Variants in LSAMP observed in about 807,000 individuals in gnomAD.
LSAMP encodes the protein limbic system-associated membrane protein.
LSAMP carries 7 observed loss-of-function variants against 38.6 expected under a neutral mutation model. The observed-to-expected ratio is 0.18, with a 90% confidence interval of 0.10 to 0.34. The LOEUF is 0.34. Among genes scored for constraint, LSAMP ranks in the 10% least tolerant of loss-of-function variants. The pLI is 1.00. For synonymous variants in LSAMP, 154 were observed against 166.8 expected, an observed-to-expected ratio of 0.92 and a Z score of 0.59; for missense variants, 313 against 420.0, an observed-to-expected ratio of 0.75 and a Z score of 2.23.
chr3:116,121,649 G>A (rs552087199), intron 1 of LSAMP, among the ~76,000 whole-genome samples: 1 of 152,170 alleles, frequency 6.6e-6, no homozygotes, highest in South Asian at 2.1e-4. Flanking sequence ...TATGAGATAG[G>A]TACTACTATT....
At chr3:116,024,298 T>A (rs1479918136) in intron 2 of LSAMP, among the ~76,000 whole-genome samples, 1 of 152,206 alleles carries the variant, frequency 6.6e-6, no homozygotes, top group Admixed American at 6.5e-5. Flanking sequence ...TTGAAAAAAA[T>A]TCACTTAGTT....
At chr3:116,208,774 C>T (rs570525475) in intron 1 of LSAMP, among the ~76,000 whole-genome samples, 2 of 152,312 alleles carry the variant, frequency 1.3e-5, no homozygotes, top group African/African-American at 2.4e-5. Context: ...TCTCCAGCTG[C>T]GTGCTGGGAG....
chr3:116,071,685 A>G (rs1707609489), intron 2 of LSAMP, among the ~76,000 whole-genome samples: 1 of 152,106 alleles, frequency 6.6e-6, no homozygotes, highest in Non-Finnish European at 1.5e-5. Context: ...TGCTGCACAG[A>G]TCAACCCATC....
rs188686771 is a variant in LSAMP, at chr3:116,188,916, G to A, written c.156-102360C>T. 1.0e-3 allele frequency among the ~76,000 whole-genome samples: 155 copies of A among 152,272 alleles called. 1 individual carries two copies. The East Asian group carries it at 0.023, about 23-fold the overall frequency. ...TAAAAATCTTCCAGAACTGTTAAAA[G>A]TCTTTGCAGTCTTCATCTCATCAGT... On this transcript the variant is annotated intron_variant, in intron 1 of 6. Coordinates refer to ENST00000490035, the MANE Select transcript of LSAMP (RefSeq NM_002338.5).
chr3:115,862,542 G>T (rs956391161), intron 3 of LSAMP, among the ~76,000 whole-genome samples: 4 of 152,192 alleles, frequency 2.6e-5, no homozygotes, highest in Non-Finnish European at 5.9e-5. Context: ...GATCCAATTT[G>T]GAGAACTGTT....
At chr3:116,023,246 C>T (rs1323695419) in intron 2 of LSAMP, among the ~76,000 whole-genome samples, 1 of 151,784 alleles carries the variant, frequency 6.6e-6, no homozygotes, top group Non-Finnish European at 1.5e-5. Context: ...AACCTTGTTT[C>T]AGACATCAAC....
chr3:116,296,093 A>G (rs1415915864), intron 1 of LSAMP, among the ~76,000 whole-genome samples: 1 of 152,178 alleles, frequency 6.6e-6, no homozygotes, highest in Non-Finnish European at 1.5e-5. Flanking sequence ...AATCAAATCA[A>G]TTGCTAGAGC....
chr3:116,356,557 T>C (rs971883411), intron 1 of LSAMP, among the ~76,000 whole-genome samples: 1 of 152,206 alleles, frequency 6.6e-6, no homozygotes, highest in Non-Finnish European at 1.5e-5. Flanking sequence ...AGTAATCTGT[T>C]GTACATTTTA....
intron 3 of LSAMP, among the ~76,000 whole-genome samples, chr3:115,959,846 C>T (rs1938569125): frequency 6.6e-6 from 1 of 152,052 alleles, no homozygotes; most frequent in African/African-American, 2.4e-5. Context: ...GGATTTATTG[C>T]CTTTTTCTAG....
intron 1 of LSAMP, among the ~76,000 whole-genome samples, chr3:116,262,984 G>A (rs1347612206): frequency 4.0e-5 from 6 of 151,712 alleles, no homozygotes; most frequent in African/African-American, 7.3e-5. Context: ...TTAATTTTTC[G>A]GCTCTTAAAG....
intron 2 of LSAMP, among the ~76,000 whole-genome samples, chr3:116,035,208 T>G (rs1269841516): frequency 2.0e-5 from 3 of 152,204 alleles, no homozygotes; most frequent in South Asian, 4.1e-4. Flanking sequence ...TGCTGGTAAT[T>G]GATAACATGT....
chr3:115,962,522 A>G (rs1420763539), intron 3 of LSAMP, among the ~76,000 whole-genome samples: 1 of 152,236 alleles, frequency 6.6e-6, no homozygotes, highest in African/African-American at 2.4e-5. Context: ...AGGGAGGCCT[A>G]TCAATCTCAC....
chr3:116,250,634 G>T (rs2046668287), intron 1 of LSAMP, among the ~76,000 whole-genome samples: 1 of 151,896 alleles, frequency 6.6e-6, no homozygotes, highest in Non-Finnish European at 1.5e-5. Context: ...GGCTGACATG[G>T]GTGGATCACT....
At chr3:115,944,414 A>T (rs1938028817) in intron 3 of LSAMP, among the ~76,000 whole-genome samples, 1 of 152,070 alleles carries the variant, frequency 6.6e-6, no homozygotes, top group African/African-American at 2.4e-5. Context: ...TTTAAAGGGG[A>T]CTACATCAGT....
intron 6 of LSAMP, 148 bp downstream of exon 6, chr3:115,841,697 A>C: frequency 4.2e-6 from 3 of 721,062 alleles, no homozygotes; most frequent in Non-Finnish European, 6.5e-6. Flanking sequence ...TATGCACAGG[A>C]GTTGAGAACC....
intron 2 of LSAMP, among the ~76,000 whole-genome samples, chr3:116,047,550 T>C (rs1254538759): frequency 1.3e-5 from 2 of 152,168 alleles, no homozygotes; most frequent in Admixed American, 1.3e-4. Flanking sequence ...CTATTACCTG[T>C]ACATCCCAAC....
chr3:116,290,566 C>T (rs1356744790), intron 1 of LSAMP, among the ~76,000 whole-genome samples: 5 of 151,788 alleles, frequency 3.3e-5, no homozygotes, highest in Non-Finnish European at 1.5e-5. Context: ...CCTATCTCTA[C>T]TAAAAATACA....
At chr3:116,235,578 G>A (rs1016150204) in intron 1 of LSAMP, among the ~76,000 whole-genome samples, 1 of 152,100 alleles carries the variant, frequency 6.6e-6, no homozygotes, top group African/African-American at 2.4e-5. Context: ...ATCAGTGAAA[G>A]TATTACTTCA....
At chr3:116,308,801 C>A (rs1471956500) in intron 1 of LSAMP, among the ~76,000 whole-genome samples, 1 of 152,030 alleles carries the variant, frequency 6.6e-6, no homozygotes, top group Non-Finnish European at 1.5e-5. Context: ...TGATAATATA[C>A]TATTTCAAAG....
Sources: allele counts gnomAD v4.1 joint callset (sites outside exome capture counted in the v4.1 genomes callset), GRCh38; gene constraint gnomAD v4.1.1; transcripts MANE v1.5; gene names NCBI Gene and HGNC (gene_info 2026-07-23, HGNC 2026-07-21).